Variants in RBM33 observed in about 807,000 individuals in gnomAD.
The protein encoded by RBM33 is RNA binding motif protein 33.
Under a neutral mutation model 132.6 loss-of-function variants are expected in RBM33, and 28 were observed. The ratio of observed to expected loss-of-function variants is 0.21; its 90% CI spans 0.16 to 0.29. The LOEUF is 0.29. RBM33 is among the 10% of genes least tolerant of loss of function. The pLI is 1.00. For missense variants in RBM33, 1,291 were observed against 1,518.5 expected (o/e 0.85, Z 2.49); for synonymous variants, 634 against 593.0 (o/e 1.07, Z -1.01).
intron 9 of RBM33, among the ~76,000 whole-genome samples, chr7:155,727,264 C>A (rs1800820142): frequency 1.3e-5 from 2 of 152,050 alleles, no homozygotes; most frequent in South Asian, 2.1e-4. Flanking sequence ...CCAGGGAGCT[C>A]CCCCCACCCA....
chr7:155,668,537 T>C (rs1798860625), intron 2 of RBM33, among the ~76,000 whole-genome samples: 1 of 152,222 alleles, frequency 6.6e-6, no homozygotes, highest in Admixed American at 6.5e-5. Context: ...GCTGTGTTCC[T>C]CATCGGAAGC....
At chr7:155,682,277 A>G (rs1171233067) in intron 5 of RBM33, among the ~76,000 whole-genome samples, 1 of 152,168 alleles carries the variant, frequency 6.6e-6, no homozygotes, top group East Asian at 1.9e-4. Flanking sequence ...TGGTAGATAC[A>G]GTAATGAGAG....
intron 16 of RBM33, among the ~76,000 whole-genome samples, chr7:155,773,807 C>A (rs547742751): frequency 6.6e-6 from 1 of 152,136 alleles, no homozygotes; most frequent in African/African-American, 2.4e-5. Context: ...GCAGCTCCCC[C>A]TCTTCCTCAG....
chr7:155,731,588 C>T (rs1420997384), intron 9 of RBM33, among the ~76,000 whole-genome samples: 2 of 152,136 alleles, frequency 1.3e-5, no homozygotes, highest in African/African-American at 4.8e-5. Flanking sequence ...ATCCTCTGGA[C>T]AAAGGTATGA....
At chr7:155,675,843 T>G (rs1312086939) in intron 3 of RBM33, among the ~76,000 whole-genome samples, 3 of 152,224 alleles carry the variant, frequency 2.0e-5, no homozygotes, top group Non-Finnish European at 4.4e-5. Context: ...CTTATGTTCC[T>G]AGCAGCAGGG....
intron 14 of RBM33, among the ~76,000 whole-genome samples, chr7:155,755,101 C>T (rs1801808038): frequency 6.6e-6 from 1 of 152,212 alleles, no homozygotes; most frequent in South Asian, 2.1e-4. Flanking sequence ...GCATGCATAT[C>T]ATTTATTGTC....
chr7:155,673,940 G>GTTGTTGTTTGTTTTTTTTTGTTTTTTTT, intron 3 of RBM33, among the ~76,000 whole-genome samples: 1 of 54,214 alleles, frequency 1.8e-5, no homozygotes, highest in Non-Finnish European at 3.2e-5. Flanking sequence ...TTTAGGCTTA[G>GTTGTTGTTTGTTTTTTTTTGTTTTTTTT]TTTTTTTTTT....
intron 2 of RBM33, among the ~76,000 whole-genome samples, chr7:155,667,169 G>A (rs1691124625): frequency 6.6e-6 from 1 of 152,070 alleles, no homozygotes; most frequent in Non-Finnish European, 1.5e-5. Context: ...TGTATTTCCC[G>A]CAAAACAGGA....
chr7:155,660,185 C>A (rs888132007), intron 1 of RBM33, among the ~76,000 whole-genome samples: 1 of 152,158 alleles, frequency 6.6e-6, no homozygotes, highest in African/African-American at 2.4e-5. Flanking sequence ...GCAGTCCTCC[C>A]ACTGCAACCT....
rs1437436534 is a variant in RBM33, at chr7:155,644,834, C to G, written c.-43C>G. 4.8e-6 allele frequency: 7 copies of G among 1,448,772 alleles called. No homozygotes were observed. The African/African-American group carries it at 1.0e-4, about 21-fold the overall frequency. 89.7% of individuals were successfully genotyped at this position (1,448,772 alleles called of 1,614,324 possible). ...CGGACCAGGCACGTCGGCCCACCAGCTGGCTTGGTGGGGGAGGCTGAAGGC... is the reference window on the plus strand; with the variant it reads ...CGGACCAGGCACGTCGGCCCACCAGGTGGCTTGGTGGGGGAGGCTGAAGGC... On this transcript the variant is annotated 5_prime_UTR_variant, in exon 1 of 18. Transcript: ENST00000401878.
intron 16 of RBM33, among the ~76,000 whole-genome samples, chr7:155,768,360 G>T (rs1017177140): frequency 6.6e-6 from 1 of 152,110 alleles, no homozygotes. Context: ...TTGTACCGTG[G>T]GTTTGTATAG....
chr7:155,680,394 G>T (rs1190330214), intron 4 of RBM33, among the ~76,000 whole-genome samples, 196 bp from the exon 5 acceptor site: 1 of 152,196 alleles, frequency 6.6e-6, no homozygotes, highest in African/African-American at 2.4e-5. Flanking sequence ...TAGCTCTGCT[G>T]TACGCATTAA....
At chr7:155,752,691 C>G (rs1404660770) in intron 14 of RBM33, among the ~76,000 whole-genome samples, 1 of 152,150 alleles carries the variant, frequency 6.6e-6, no homozygotes, top group Non-Finnish European at 1.5e-5. Context: ...TCTAAGAACC[C>G]ATGGAAATTC....
chr7:155,645,357 C>T (rs963298827), intron 1 of RBM33, among the ~76,000 whole-genome samples: 2 of 152,082 alleles, frequency 1.3e-5, no homozygotes, highest in Non-Finnish European at 1.5e-5. Flanking sequence ...GATTTGAAGC[C>T]CATTACAAAA....
chr7:155,751,090 G>T (rs1801673922), intron 14 of RBM33, among the ~76,000 whole-genome samples: 1 of 152,172 alleles, frequency 6.6e-6, no homozygotes, highest in Non-Finnish European at 1.5e-5. Flanking sequence ...CTTTTGGAAT[G>T]ATATGTATAT....
chr7:155,677,357 C>T (rs1022591399), intron 3 of RBM33, among the ~76,000 whole-genome samples: 16 of 151,968 alleles, frequency 1.1e-4, no homozygotes, highest in African/African-American at 3.6e-4. Flanking sequence ...TACAGGCGCC[C>T]CTCACCACGC....
intron 14 of RBM33, among the ~76,000 whole-genome samples, chr7:155,748,512 TTCTGTGAGTGTACTCATG>T (rs1801591933): frequency 6.6e-6 from 1 of 152,254 alleles, no homozygotes; most frequent in Non-Finnish European, 1.5e-5. Flanking sequence ...TTAATTAGGT[TTCTGTGAGTGTACTCATG>T]TCTGTGAGGC....
Position 155,644,696 on chromosome 7 carries a change from T to TA in RBM33, c.-181_-180insA, listed in dbSNP as rs1246426707. 1 of 465,028 alleles carries TA rather than the reference T, an allele frequency of 2.2e-6. No individual in the cohort carries two copies. Among genetic ancestry groups the TA allele is most frequent in the African/African-American group, 2.0e-5 (1 of 48,796 alleles). The allele number at this position is 465,028 out of a possible 1,614,324, so 28.8% of individuals were successfully genotyped here. ...GCGCGGCCATGTTGCGGTAGTTTGT[T>TA]GTTTTCTTCCTGCGGAGGCGAAGGG... On this transcript the variant is annotated 5_prime_UTR_variant, in exon 1 of 18. Coordinates refer to ENST00000401878, the MANE Select transcript of RBM33 (RefSeq NM_053043.3).
intron 1 of RBM33, among the ~76,000 whole-genome samples, chr7:155,651,025 A>C (rs1676205935): frequency 6.6e-6 from 1 of 152,092 alleles, no homozygotes; most frequent in African/African-American, 2.4e-5. Context: ...TTACAGGCAC[A>C]TGCTACCACA....
Sources: gnomAD v4.1 joint callset for allele counts (sites outside exome capture counted in the v4.1 genomes callset) on GRCh38, gnomAD v4.1.1 for gene constraint, MANE v1.5 for transcripts, NCBI Gene and HGNC (gene_info 2026-07-23, HGNC 2026-07-21) for gene names.